Variants in SRSF10 observed in about 807,000 individuals in gnomAD.
The protein encoded by SRSF10 is serine/arginine-rich splicing factor 10.
Under a neutral mutation model 32.6 loss-of-function variants are expected in SRSF10, and 9 were observed. The ratio of observed to expected loss-of-function variants is 0.28; its 90% CI spans 0.17 to 0.48. The LOEUF (loss-of-function observed/expected upper bound fraction) is 0.48. Among genes scored for constraint, SRSF10 ranks in the 20% least tolerant of loss-of-function variants. The probability of loss-of-function intolerance (pLI) is 0.99; values close to 1 mark genes in which losing one functional copy is unlikely to be tolerated. For synonymous variants in SRSF10, 105 were observed against 112.4 expected (o/e 0.93, Z 0.42); for missense variants, 201 against 331.8 (o/e 0.61, Z 3.06).
rs1456598376 is a variant in SRSF10 at position 23,970,279 on chromosome 1, G to A, written c.*863C>T. 1.0e-6 allele frequency: 1 copy of A among 984,796 alleles called. No individual in the cohort carries two copies. The highest frequency in any genetic ancestry group is 5.2e-4 in the Middle Eastern group (1 of 1,910). The allele number at this position is 984,796 out of a possible 1,614,324, so 61.0% of individuals were successfully genotyped here. A position where few individuals can be genotyped will look rare whatever the true frequency, so the allele number is the denominator to read the frequency against. On this transcript the variant is annotated 3_prime_UTR_variant, in exon 6 of 6. Coordinates refer to ENST00000492112, the MANE Select transcript of SRSF10 (RefSeq NM_054016.4). ...CAGTCAAAAACTCAATTTCCCAGCT[G>A]GCATCATTCCCCAAGACAGTGGGGT...
intron 3 of SRSF10, among the ~76,000 whole-genome samples, chr1:23,973,247 T>C (rs1641881380): frequency 6.6e-6 from 1 of 152,350 alleles, no homozygotes; most frequent in Non-Finnish European, 1.5e-5. Flanking sequence ...CTTCTCACCA[T>C]CTAGTTTATC....
chr1:23,971,737 T>A, intron 4 of SRSF10, 111 bp from the exon 5 acceptor site: 1 of 1,503,264 alleles, frequency 6.7e-7, no homozygotes, highest in Non-Finnish European at 9.1e-7. Flanking sequence ...GTATTTTTTG[T>A]CTCAATGAAA....
intron 2 of SRSF10, chr1:23,978,214 T>A: frequency 3.0e-6 from 3 of 985,888 alleles, no homozygotes; most frequent in Non-Finnish European, 3.6e-6. Context: ...TGAACTCTAC[T>A]CTAAAGGTTC....
Position 23,965,875 on chromosome 1 carries a change from G to C in SRSF10, c.*5267C>G, listed in dbSNP as rs1231288991. On this transcript the variant is annotated 3_prime_UTR_variant, in exon 6 of 6. Transcript: ENST00000492112. ...TAACTTCAAAAGGAAATGGAGAAGG[G>C]AGGTAGAGGGCAAAAAAGTCTATAG... 2 of 151,756 alleles carry C rather than the reference G, an allele frequency of 1.3e-5. No homozygotes were observed. Among genetic ancestry groups the C allele is most frequent in the Non-Finnish European group, 3.0e-5 (2 of 67,774 alleles). The allele number at this position is 151,756 out of a possible 1,614,324, so 9.4% of individuals were successfully genotyped here.
At position 23,977,922 on chromosome 1, in the gene SRSF10, C is replaced by T. The variant is rs1401591472; in HGVS notation, c.170+791G>A. The stretch of plus-strand genomic sequence containing the variant: ...ATTCTGTAGGATACATCAGGTATGA[C>T]TCCTTTAATCTTGGCCATCATTCAA... On this transcript the variant is annotated intron_variant, in intron 2 of 5. Transcript: ENST00000492112. 3 of 983,508 alleles carry T rather than the reference C, an allele frequency of 3.1e-6. No homozygotes were observed. In the African/African-American group the frequency reaches 5.3e-5, roughly 17 times the overall value. The allele number at this position is 983,508 out of a possible 1,614,324, so 60.9% of individuals were successfully genotyped here.
intron 2 of SRSF10, 68 bp from the exon 3 acceptor site, chr1:23,975,145 G>T: frequency 2.5e-6 from 3 of 1,209,056 alleles, no homozygotes; most frequent in African/African-American, 1.5e-5. Flanking sequence ...CAGTTGGTAT[G>T]TCTGGAACAA....
chr1:23,967,660 C>T lies in SRSF10; in HGVS notation c.*3482G>A. The T allele has an allele frequency of 1.9e-6, 3 of 1,570,178 alleles. No individual in the cohort carries two copies. Among genetic ancestry groups the T allele is most frequent in the Non-Finnish European group, 2.6e-6 (3 of 1,140,522 alleles). On this transcript the variant is annotated 3_prime_UTR_variant, in exon 6 of 6. Transcript: ENST00000492112. ...CTGCCCTTCTTTGGTTCTTTTTCCG[C>T]TTTCAGATCTTTCTTGAAGTGTAGT...
Position 23,967,478 on chromosome 1 carries a change from TTTTA to T in SRSF10, c.*3660_*3663del, listed in dbSNP as rs1641508844. On this transcript the variant is annotated 3_prime_UTR_variant, in exon 6 of 6. Transcript: ENST00000492112. Reference sequence around the variant, plus strand: ...TCCACAAGTACAAAGTTGAATTTCCTTTTATTTGTCCTAAAATGCTTACTTTCAA... The same window carrying T: ...TCCACAAGTACAAAGTTGAATTTCCTTTTGTCCTAAAATGCTTACTTTCAA... 2.0e-6 allele frequency: 1 copy of T among 488,488 alleles called. No homozygotes were observed. Among genetic ancestry groups the T allele is most frequent in the South Asian group, 4.2e-5 (1 of 23,706 alleles). 30.3% of individuals were successfully genotyped at this position (488,488 alleles called of 1,614,324 possible). A position where few individuals can be genotyped will look rare whatever the true frequency, so the allele number is the denominator to read the frequency against.
At chr1:23,972,159 ACTACTTTGGG>A in intron 3 of SRSF10, 147 bp from the exon 4 acceptor site, 1 of 631,552 alleles carries the variant, frequency 1.6e-6, no homozygotes, top group Non-Finnish European at 2.4e-6. Context: ...CTGTGATCCC[ACTACTTTGGG>A]AGGTTGAGGT....
At chr1:23,976,246 A>C (rs1272833748) in intron 2 of SRSF10, 8 of 152,108 alleles carry the variant, frequency 5.3e-5, no homozygotes, top group Admixed American at 2.0e-4. Flanking sequence ...GAAGTGACAC[A>C]CTCCTTTTTT....
rs1641650350 is a variant in SRSF10, at chr1:23,970,022, C to A, written c.*1120G>T. Reference sequence around the variant, plus strand: ...AGTTCTTTTACACTAGGCACACACACACAAAACCTACTTTGAAACAATTTA... The same window carrying A: ...AGTTCTTTTACACTAGGCACACACAAACAAAACCTACTTTGAAACAATTTA... On this transcript the variant is annotated 3_prime_UTR_variant, in exon 6 of 6. Coordinates refer to ENST00000492112, the MANE Select transcript of SRSF10 (RefSeq NM_054016.4). 1.0e-6 allele frequency: 1 copy of A among 985,308 alleles called. No individual in the cohort carries two copies. The highest frequency in any genetic ancestry group is 1.7e-5 in the African/African-American group (1 of 57,230). 61.0% of individuals were successfully genotyped at this position (985,308 alleles called of 1,614,324 possible). A position where few individuals can be genotyped will look rare whatever the true frequency, so the allele number is the denominator to read the frequency against.
Position 23,970,158 on chromosome 1 carries a change from T to C in SRSF10, c.*984A>G, listed in dbSNP as rs1557561308. On this transcript the variant is annotated 3_prime_UTR_variant, in exon 6 of 6. Transcript: ENST00000492112. Reference sequence around the variant, plus strand: ...TTTTTCCTTAAAATTATTTTTGCCATCAACGACCTGCTCAAATTTTAAGGT... The same window carrying C: ...TTTTTCCTTAAAATTATTTTTGCCACCAACGACCTGCTCAAATTTTAAGGT... 2.0e-6 allele frequency: 2 copies of C among 985,420 alleles called. No homozygotes were observed. The highest frequency in any genetic ancestry group is 1.1e-4 in the East Asian group (1 of 8,822). The allele number at this position is 985,420 out of a possible 1,614,324, so 61.0% of individuals were successfully genotyped here. A position where few individuals can be genotyped will look rare whatever the true frequency, so the allele number is the denominator to read the frequency against.
chr1:23,969,817 A>C lies in SRSF10; in HGVS notation c.*1325T>G. Reference sequence around the variant, plus strand: ...TGTGACTCTTGCTTAAAACTGACTAATCCTTTTCCCCAAATTACCTTAAAT... The same window carrying C: ...TGTGACTCTTGCTTAAAACTGACTACTCCTTTTCCCCAAATTACCTTAAAT... On this transcript the variant is annotated 3_prime_UTR_variant, in exon 6 of 6. Transcript: ENST00000492112. The C allele has an allele frequency of 1.0e-6, 1 of 985,416 alleles. No individual in the cohort carries two copies. Among genetic ancestry groups the C allele is most frequent in the African/African-American group, 1.7e-5 (1 of 57,348 alleles). 61.0% of individuals were successfully genotyped at this position (985,416 alleles called of 1,614,324 possible).
In SRSF10 at chr1:23,968,359, T is replaced by C. The variant is rs1641560844; in HGVS notation, c.*2783A>G. 6.6e-6 allele frequency among the ~76,000 whole-genome samples: 1 copy of C among 152,162 alleles called. No homozygotes were observed. The highest frequency in any genetic ancestry group is 1.5e-5 in the Non-Finnish European group (1 of 68,002). Reference sequence around the variant, plus strand: ...ATTTCAATGAGCTATCTCCTCAATCTACTTCTCTCAAATTATAGTCTGTAA... The same window carrying C: ...ATTTCAATGAGCTATCTCCTCAATCCACTTCTCTCAAATTATAGTCTGTAA... On this transcript the variant is annotated 3_prime_UTR_variant, in exon 6 of 6. Transcript: ENST00000492112.
rs1449603764 is a variant in SRSF10 at position 23,967,983 on chromosome 1, G to A, written c.*3159C>T. The A allele has an allele frequency of 6.5e-6, 10 of 1,535,502 alleles. No homozygotes were observed. Among genetic ancestry groups the A allele is most frequent in the Non-Finnish European group, 8.7e-6 (10 of 1,144,584 alleles). On this transcript the variant is annotated 3_prime_UTR_variant, in exon 6 of 6. Coordinates refer to ENST00000492112, the MANE Select transcript of SRSF10 (RefSeq NM_054016.4). The stretch of plus-strand genomic sequence containing the variant: ...TTCAAAAAAAAAAAAAAAATGCAGA[G>A]AGATCTTAAGTAAAAGGAGAGGTGA...
chr1:23,974,689 T>C (rs1010695096), intron 3 of SRSF10, among the ~76,000 whole-genome samples: 1 of 151,970 alleles, frequency 6.6e-6, no homozygotes, highest in Non-Finnish European at 1.5e-5. Flanking sequence ...ATCAGCCAGA[T>C]GTGGTGGCAT....
Position 23,969,939 on chromosome 1 carries a change from G to A in SRSF10, c.*1203C>T. 1 of 985,314 alleles carries A rather than the reference G, an allele frequency of 1.0e-6. No individual in the cohort carries two copies. The highest frequency in any genetic ancestry group is 1.1e-4 in the East Asian group (1 of 8,810). 61.0% of individuals were successfully genotyped at this position (985,314 alleles called of 1,614,324 possible). On this transcript the variant is annotated 3_prime_UTR_variant, in exon 6 of 6. Coordinates refer to ENST00000492112, the MANE Select transcript of SRSF10 (RefSeq NM_054016.4). ...GTGAAAAGCAGGCCTCCCTCATAAA[G>A]AGGCAGGCAAATTTTGATACAAATG... is the stretch of plus-strand genomic sequence containing the variant.
rs1219143318 is a variant in SRSF10 at position 23,968,903 on chromosome 1, A to T, written c.*2239T>A. Among the ~76,000 whole-genome samples the T allele has an allele frequency of 2.0e-5, 3 of 152,180 alleles. No homozygotes were observed. Among genetic ancestry groups the T allele is most frequent in the African/African-American group, 7.2e-5 (3 of 41,456 alleles). On this transcript the variant is annotated 3_prime_UTR_variant, in exon 6 of 6. Transcript: ENST00000492112. ...GAAACAACTTTGATATTACACAATG[A>T]ATTTTTAACTACTGTGTAAAAGATG...
chr1:23,980,195 T>A lies in SRSF10; in HGVS notation c.61A>T (p.Thr21Ser). The A allele has an allele frequency of 6.5e-7, 1 of 1,530,064 alleles. No individual in the cohort carries two copies. Among genetic ancestry groups the A allele is most frequent in the Non-Finnish European group, 8.8e-7 (1 of 1,137,126 alleles). 94.8% of individuals were successfully genotyped at this position (1,530,064 alleles called of 1,614,324 possible). A position where few individuals can be genotyped will look rare whatever the true frequency, so the allele number is the denominator to read the frequency against. The change falls in exon 1 of 6, where the codon ACC (threonine) becomes TCC (serine). Residue 21 changes from threonine to serine, a missense_variant. Thr to Ser is a moderately conservative substitution (Grantham distance 58). This residue lies in a region of SRSF10 where 41 missense variants were observed against 109.5 expected (regional missense o/e 0.37). Transcript: ENST00000492112. ...SLFVRNVADD[T>S]RSEDLRREFG... ...GAGTACCTGCCTTGTACCTACCTGG[T>A]GTCGTCGGCCACGTTCCTGACGAAC...
Sources: allele counts gnomAD v4.1 joint callset (sites outside exome capture counted in the v4.1 genomes callset), GRCh38; gene constraint gnomAD v4.1.1; regional missense constraint gnomAD v4.1.1; transcripts MANE v1.5; gene names NCBI Gene and HGNC (gene_info 2026-07-23, HGNC 2026-07-21).